The following CSMD3 variants were observed in gnomAD, a reference collection of about 807,000 sequenced individuals.
The protein encoded by CSMD3 is CUB and Sushi multiple domains 3.
A neutral mutation model predicts 435.2 loss-of-function variants in CSMD3; 177 were observed. The observed-to-expected ratio is 0.41, with a 90% CI of 0.36 to 0.46. The LOEUF (loss-of-function observed/expected upper bound fraction) is 0.46. CSMD3 is among the 20% of genes least tolerant of loss of function. CSMD3 has a pLI of 0.34. For missense variants in CSMD3, 4,265 were observed against 4,504.6 expected, an observed-to-expected ratio of 0.95 and a Z score of 1.52; for synonymous variants, 1,656 against 1,520.5, an observed-to-expected ratio of 1.09 and a Z score of -2.07.
intron 3 of CSMD3, among the ~76,000 whole-genome samples, chr8:113,192,858 A>G (rs2092605169): frequency 1.3e-5 from 2 of 151,636 alleles, no homozygotes; most frequent in Non-Finnish European, 1.5e-5. Context: ...CTTCTATGCT[A>G]GAGAACTTCT....
At chr8:112,828,846 A>T (rs1226310268) in intron 12 of CSMD3, among the ~76,000 whole-genome samples, 1 of 152,116 alleles carries the variant, frequency 6.6e-6, no homozygotes, top group South Asian at 2.1e-4. Context: ...GCATGAAGAC[A>T]GGTGAGTAAG....
intron 5 of CSMD3, among the ~76,000 whole-genome samples, chr8:113,058,687 C>T (rs2088462792): frequency 6.6e-6 from 1 of 151,888 alleles, no homozygotes. Context: ...CCCTTAGGTA[C>T]TGTTTCTACT....
chr8:113,242,074 G>A (rs1034529090), intron 3 of CSMD3, among the ~76,000 whole-genome samples: 3 of 151,188 alleles, frequency 2.0e-5, no homozygotes, highest in South Asian at 4.2e-4. Flanking sequence ...TCCCAAGGTC[G>A]AGTAATGTCT....
chr8:113,285,333 C>T (rs2093638585), intron 2 of CSMD3, among the ~76,000 whole-genome samples: 1 of 134,326 alleles, frequency 7.4e-6, no homozygotes, highest in South Asian at 2.4e-4. Flanking sequence ...GATCTCGGCT[C>T]ACTGCAAGCT....
intron 4 of CSMD3, among the ~76,000 whole-genome samples, chr8:113,140,553 A>G (rs961569398): frequency 5.3e-5 from 8 of 151,196 alleles, no homozygotes. Flanking sequence ...AACATTATAT[A>G]GAATTTATCT....
chr8:112,237,512 TA>T (rs1813699256), intron 66 of CSMD3, among the ~76,000 whole-genome samples, 164 bp from the exon 67 acceptor site: 7 of 152,144 alleles, frequency 4.6e-5, no homozygotes, highest in Admixed American at 4.6e-4. Context: ...TTCCATTTTT[TA>T]GAATAAATCC....
At chr8:113,348,384 A>G (rs530726197) in intron 1 of CSMD3, among the ~76,000 whole-genome samples, 1 of 152,258 alleles carries the variant, frequency 6.6e-6, no homozygotes, top group African/African-American at 2.4e-5. Context: ...GCCATGTACC[A>G]AACAAAGACA....
At chr8:112,455,159 A>G (rs781572443) in intron 32 of CSMD3, among the ~76,000 whole-genome samples, 10 of 152,220 alleles carry the variant, frequency 6.6e-5, no homozygotes, top group Admixed American at 2.6e-4. Context: ...TCACAGTACT[A>G]TTCACAACAG....
At chr8:112,970,659 G>C (rs2084616825) in intron 7 of CSMD3, among the ~76,000 whole-genome samples, 1 of 150,910 alleles carries the variant, frequency 6.6e-6, no homozygotes, top group Non-Finnish European at 1.5e-5. Context: ...AAACCATTTT[G>C]AATGGGTCTT....
At chr8:113,023,981 A>G (rs1218259421) in intron 5 of CSMD3, among the ~76,000 whole-genome samples, 4 of 152,008 alleles carry the variant, frequency 2.6e-5, no homozygotes, top group Admixed American at 1.3e-4. Flanking sequence ...TTTTTCGTTG[A>G]CTATAGTTAC....
chr8:113,355,603 T>C (rs565257306), intron 1 of CSMD3, among the ~76,000 whole-genome samples: 7 of 150,970 alleles, frequency 4.6e-5, no homozygotes, highest in South Asian at 4.2e-4. Flanking sequence ...TACCATCACA[T>C]TGAGGAATAG....
At chr8:112,488,565 A>G (rs1820372006) in intron 31 of CSMD3, among the ~76,000 whole-genome samples, 1 of 152,224 alleles carries the variant, frequency 6.6e-6, no homozygotes, top group African/African-American at 2.4e-5. Context: ...AATGCCTACC[A>G]GTCAGTCACA....
chr8:113,386,894 T>A (rs2094441727), intron 1 of CSMD3, among the ~76,000 whole-genome samples: 5 of 151,836 alleles, frequency 3.3e-5, no homozygotes, highest in Admixed American at 3.3e-4. Flanking sequence ...GAAAATATGA[T>A]CCAAAATTTA....
Position 112,254,269 on chromosome 8 carries a change from T to C in CSMD3, c.10094A>G (p.Asn3365Ser), listed in dbSNP as rs772909783. Residue 3365 changes from asparagine (N) to serine (S), a missense_variant, in exon 63 of 71, where the codon AAT becomes AGT. Transcript: ENST00000297405. ...PGVPRHGSQN[N>S]TFGFQVGSVV... Reference sequence around the variant, plus strand: ...AGTACCCACTTGAAATCCGAATGTATTGTTCTGAGATCCATGCCGAGGCAC... The same window carrying C: ...AGTACCCACTTGAAATCCGAATGTACTGTTCTGAGATCCATGCCGAGGCAC... The C allele has an allele frequency of 1.2e-6, 2 of 1,612,304 alleles. No homozygotes were observed. Among genetic ancestry groups the C allele is most frequent in the South Asian group, 1.1e-5 (1 of 91,058 alleles).
At chr8:112,865,299 C>G (rs1018827634) in intron 10 of CSMD3, among the ~76,000 whole-genome samples, 1 of 152,070 alleles carries the variant, frequency 6.6e-6, no homozygotes, top group Non-Finnish European at 1.5e-5. Context: ...GGACATGATT[C>G]ACAGGTTAAG....
chr8:112,683,703 T>C (rs1300699482), intron 15 of CSMD3, among the ~76,000 whole-genome samples: 1 of 151,946 alleles, frequency 6.6e-6, no homozygotes, highest in Non-Finnish European at 1.5e-5. Flanking sequence ...TAAAATATAT[T>C]TTATGAGATG....
chr8:112,847,903 A>G (rs1166561767), intron 11 of CSMD3, among the ~76,000 whole-genome samples: 1 of 152,156 alleles, frequency 6.6e-6, no homozygotes, highest in Non-Finnish European at 1.5e-5. Flanking sequence ...AAGAAAAAAC[A>G]TGGGCTTAAA....
intron 27 of CSMD3, among the ~76,000 whole-genome samples, chr8:112,538,220 C>T (rs189270783): frequency 4.1e-4 from 62 of 152,106 alleles, no homozygotes; most frequent in Admixed American, 2.7e-3. Context: ...CCATATACAA[C>T]AAACCCACAG....
chr8:112,483,020 G>A (rs1160585365), intron 31 of CSMD3, among the ~76,000 whole-genome samples: 1 of 152,034 alleles, frequency 6.6e-6, no homozygotes. Flanking sequence ...CATAGTACCT[G>A]TTTTTATAAT....
Sources: gnomAD v4.1 joint callset for allele counts (sites outside exome capture counted in the v4.1 genomes callset) on GRCh38, gnomAD v4.1.1 for gene constraint, MANE v1.5 for transcripts, NCBI Gene and HGNC (gene_info 2026-07-23, HGNC 2026-07-21) for gene names.